Variants in SNX29 observed in about 807,000 individuals in gnomAD.
SNX29 encodes the protein sorting nexin 29, also known as sorting nexin-29.
In SNX29, 78 loss-of-function variants were observed where a neutral mutation model predicts 102.1. The ratio of observed to expected loss-of-function variants is 0.76; its 90% CI spans 0.64 to 0.92. SNX29 has a LOEUF of 0.92. Ranked by LOEUF, SNX29 falls within the 40% of genes least tolerant of loss-of-function variation. The pLI is 0.00. For missense variants in SNX29, 1,280 were observed against 1,061.7 expected (o/e 1.21, Z -2.86); for synonymous variants, 580 against 414.5 (o/e 1.40, Z -4.85).
chr16:12,269,991 G>C (rs975334098), intron 14 of SNX29, among the ~76,000 whole-genome samples: 1 of 152,048 alleles, frequency 6.6e-6, no homozygotes, highest in Non-Finnish European at 1.5e-5. Context: ...CTTCCGAGTA[G>C]CTGGGACTGC....
chr16:12,483,114 G>GTTTTTGTTTTTTTTTTTTTTT (rs71139598), intron 19 of SNX29, among the ~76,000 whole-genome samples: 1 of 66,214 alleles, frequency 1.5e-5, no homozygotes, highest in Non-Finnish European at 2.8e-5. Flanking sequence ...AAGTTATTAA[G>GTTTTTGTTTTTTTTTTTTTTT]TTTTTTTTTT....
intron 14 of SNX29, among the ~76,000 whole-genome samples, chr16:12,251,317 C>T (rs924644240): frequency 3.9e-5 from 6 of 152,178 alleles, no homozygotes; most frequent in East Asian, 1.9e-4. Context: ...GAAATGTCAT[C>T]GCCATTATGT....
At chr16:12,277,205 TGG>T (rs1158406914) in intron 14 of SNX29, among the ~76,000 whole-genome samples, 1 of 152,094 alleles carries the variant, frequency 6.6e-6, no homozygotes, top group Admixed American at 6.5e-5. Flanking sequence ...CTGGTCAACA[TGG>T]TGAGACCTTG....
At chr16:12,328,099 G>A (rs181153433) in intron 15 of SNX29, among the ~76,000 whole-genome samples, 1 of 152,166 alleles carries the variant, frequency 6.6e-6, no homozygotes, top group Non-Finnish European at 1.5e-5. Context: ...GTAAAATGGA[G>A]CTGCACATAC....
intron 16 of SNX29, among the ~76,000 whole-genome samples, chr16:12,386,496 C>T (rs996806308): frequency 3.3e-5 from 5 of 152,182 alleles, no homozygotes; most frequent in African/African-American, 7.2e-5. Flanking sequence ...TCTCCCTCCA[C>T]GCTCTTCACT....
intron 7 of SNX29, among the ~76,000 whole-genome samples, chr16:12,049,955 A>G (rs2050238095): frequency 6.6e-6 from 1 of 152,186 alleles, no homozygotes; most frequent in African/African-American, 2.4e-5. Context: ...TAGTATTCTC[A>G]AATCTCTGAA....
intron 16 of SNX29, among the ~76,000 whole-genome samples, chr16:12,363,990 T>TA (rs2082378590): frequency 2.0e-5 from 3 of 152,118 alleles, no homozygotes; most frequent in African/African-American, 7.2e-5. Flanking sequence ...TGTATCACTA[T>TA]ATATACTTTA....
At chr16:12,308,868 C>T (rs190554166) in intron 15 of SNX29, among the ~76,000 whole-genome samples, 2 of 152,050 alleles carry the variant, frequency 1.3e-5, no homozygotes, top group Non-Finnish European at 2.9e-5. Context: ...GTAAGCTGTC[C>T]GTTATATCGA....
chr16:12,046,538 G>C, intron 6 of SNX29, 84 bp downstream of exon 6: 2 of 1,307,614 alleles, frequency 1.5e-6, no homozygotes, highest in Non-Finnish European at 1.1e-6. Context: ...GCGCCATGGA[G>C]TGTTGTGATT....
At chr16:12,462,954 C>G (rs1365684282) in intron 18 of SNX29, among the ~76,000 whole-genome samples, 1 of 152,200 alleles carries the variant, frequency 6.6e-6, no homozygotes, top group South Asian at 2.1e-4. Flanking sequence ...TCGCTGGATC[C>G]CCCAGCAGCT....
At chr16:12,556,895 T>A (rs2078390992) in intron 20 of SNX29, among the ~76,000 whole-genome samples, 4 of 148,468 alleles carry the variant, frequency 2.7e-5, no homozygotes, top group African/African-American at 1.0e-4. Context: ...GTCTGTCTCC[T>A]CACCTTGAGT....
chr16:12,468,860 A>C (rs11859241), intron 18 of SNX29, among the ~76,000 whole-genome samples: 10,828 of 152,258 alleles, frequency 0.071, 638 homozygotes, highest in East Asian at 0.29. Flanking sequence ...CTAAAAACTA[A>C]TAAAACAGCA....
chr16:12,556,911 G>A (rs373810518), intron 20 of SNX29, among the ~76,000 whole-genome samples: 1 of 147,044 alleles, frequency 6.8e-6, no homozygotes, highest in Non-Finnish European at 1.5e-5. Flanking sequence ...TGAGTGTAGT[G>A]GCATGATCTC....
At chr16:12,530,842 C>G (rs534554175) in intron 20 of SNX29, among the ~76,000 whole-genome samples, 45 of 152,250 alleles carry the variant, frequency 3.0e-4, no homozygotes, top group Non-Finnish European at 6.0e-4. Context: ...AGGCGTGAGC[C>G]ACCGTGCCTG....
chr16:12,009,543 C>G (rs1196636827), intron 3 of SNX29, among the ~76,000 whole-genome samples: 1 of 151,846 alleles, frequency 6.6e-6, no homozygotes, highest in Non-Finnish European at 1.5e-5. Context: ...GCCATCTTCA[C>G]ATGGAACATA....
chr16:12,097,425 T>A (rs1483017966), intron 11 of SNX29, among the ~76,000 whole-genome samples: 1 of 152,246 alleles, frequency 6.6e-6, no homozygotes. Context: ...TTCCCGCATC[T>A]GGCTGGTTGT....
chr16:12,284,436 C>G (rs1196641451), intron 15 of SNX29, among the ~76,000 whole-genome samples: 1 of 152,186 alleles, frequency 6.6e-6, no homozygotes, highest in Non-Finnish European at 1.5e-5. Context: ...TCCATCCTGA[C>G]TTTCTTTGGA....
chr16:12,239,437 C>G (rs1032266759), intron 14 of SNX29, among the ~76,000 whole-genome samples: 1 of 152,012 alleles, frequency 6.6e-6, no homozygotes, highest in African/African-American at 2.4e-5. Flanking sequence ...GGAGTATTTA[C>G]TTTTGTCTCC....
At chr16:12,167,182 A>T (rs2076036027) in intron 13 of SNX29, among the ~76,000 whole-genome samples, 1 of 152,056 alleles carries the variant, frequency 6.6e-6, no homozygotes, top group African/African-American at 2.4e-5. Context: ...TCCCATTTGG[A>T]AACTGTTTTT....
Sources: gnomAD v4.1 joint callset for allele counts (sites outside exome capture counted in the v4.1 genomes callset) on GRCh38, gnomAD v4.1.1 for gene constraint, MANE v1.5 for transcripts, NCBI Gene and HGNC (gene_info 2026-07-23, HGNC 2026-07-21) for gene names.